SH3RF1: variants seen among roughly 807,000 people sequenced by gnomAD.
SH3RF1 encodes SH3 domain containing ring finger 1, also known as E3 ubiquitin-protein ligase SH3RF1.
Under a neutral mutation model 74.0 loss-of-function variants are expected in SH3RF1, and 32 were observed. The observed-to-expected ratio is 0.43, with a 90% CI of 0.33 to 0.58. SH3RF1 has a LOEUF of 0.58. SH3RF1 is among the 20% of genes least tolerant of loss of function. The pLI is 0.05. For missense variants in SH3RF1, 954 were observed against 1,130.9 expected (o/e 0.84, Z 2.24); for synonymous variants, 396 against 439.6 (o/e 0.90, Z 1.24).
chr4:169,203,713 A>G (rs1734948108), intron 2 of SH3RF1, among the ~76,000 whole-genome samples: 2 of 152,212 alleles, frequency 1.3e-5, no homozygotes, highest in Admixed American at 1.3e-4. Flanking sequence ...CTAGAACAGT[A>G]TCTGGTACAC....
chr4:169,138,740 T>C (rs992493165), intron 4 of SH3RF1, among the ~76,000 whole-genome samples: 3 of 152,180 alleles, frequency 2.0e-5, no homozygotes, highest in African/African-American at 7.2e-5. Flanking sequence ...CTCATCATGA[T>C]CATACCTGGC....
chr4:169,156,346 T>C (rs1234996584), intron 3 of SH3RF1, 58 bp downstream of exon 3: 12 of 1,464,638 alleles, frequency 8.2e-6, no homozygotes, highest in Non-Finnish European at 1.1e-5. Flanking sequence ...TATATTTCTA[T>C]GTATCTGGGT....
intron 2 of SH3RF1, among the ~76,000 whole-genome samples, chr4:169,192,386 T>C (rs1244465884): frequency 6.8e-6 from 1 of 146,920 alleles, no homozygotes; most frequent in Non-Finnish European, 1.5e-5. Flanking sequence ...ATGAAAAAAA[T>C]GCTGAACATC....
At chr4:169,116,655 A>C in intron 9 of SH3RF1, 25 bp from the exon 10 acceptor site, 1 of 1,513,516 alleles carries the variant, frequency 6.6e-7, no homozygotes. Flanking sequence ...GAGGGAACAC[A>C]GCAAAATTCA....
intron 6 of SH3RF1, among the ~76,000 whole-genome samples, chr4:169,126,764 T>C (rs1016065070): frequency 6.6e-6 from 1 of 152,038 alleles, no homozygotes; most frequent in African/African-American, 2.4e-5. Context: ...AAAAAAAATT[T>C]TTTTTTTGTA....
chr4:169,172,790 T>TAGAACAAAGCAAGCGA (rs2126974098), intron 2 of SH3RF1, among the ~76,000 whole-genome samples: 1 of 152,142 alleles, frequency 6.6e-6, no homozygotes, highest in African/African-American at 2.4e-5. Context: ...CCAGCGCGGC[T>TAGAACAAAGCAAGCGA]AGAACAAAGC....
intron 2 of SH3RF1, among the ~76,000 whole-genome samples, chr4:169,252,146 TA>T (rs1352679738): frequency 3.3e-5 from 5 of 152,236 alleles, no homozygotes; most frequent in African/African-American, 1.2e-4. Context: ...TTTCACATTT[TA>T]TAGCATGTTG....
At chr4:169,216,472 T>C (rs970546769) in intron 2 of SH3RF1, among the ~76,000 whole-genome samples, 1 of 152,192 alleles carries the variant, frequency 6.6e-6, no homozygotes. Context: ...TTGCTCCTTT[T>C]ATTGTTGTTG....
chr4:169,218,688 T>C (rs1050505126), intron 2 of SH3RF1, among the ~76,000 whole-genome samples: 1 of 151,564 alleles, frequency 6.6e-6, no homozygotes, highest in African/African-American at 2.4e-5. Context: ...AAAGACTAAT[T>C]TAAGAATTAG....
At chr4:169,227,475 A>G (rs1395319418) in intron 2 of SH3RF1, among the ~76,000 whole-genome samples, 1 of 152,214 alleles carries the variant, frequency 6.6e-6, no homozygotes, top group Non-Finnish European at 1.5e-5. Flanking sequence ...AGTTGTCTTA[A>G]CAGGTATCAG....
intron 2 of SH3RF1, among the ~76,000 whole-genome samples, chr4:169,237,852 G>C (rs1730844457): frequency 6.6e-6 from 1 of 152,098 alleles, no homozygotes; most frequent in East Asian, 1.9e-4. Context: ...CAAGAATCCT[G>C]CTAAATCAAT....
At chr4:169,244,413 A>AT (rs5863989) in intron 2 of SH3RF1, among the ~76,000 whole-genome samples, 141,900 of 150,028 alleles carry the variant, frequency 0.95, 67,364 homozygotes, top group East Asian at 1. Flanking sequence ...TCTTCCCAGT[A>AT]TTTTTTTTTT....
chr4:169,216,550 T>C (rs1730466960), intron 2 of SH3RF1, among the ~76,000 whole-genome samples: 1 of 152,158 alleles, frequency 6.6e-6, no homozygotes. Context: ...AAATAAGAAA[T>C]GCTTTCTCCG....
intron 2 of SH3RF1, among the ~76,000 whole-genome samples, chr4:169,236,142 A>G (rs755280028): frequency 2.2e-4 from 34 of 152,166 alleles, no homozygotes; most frequent in Non-Finnish European, 4.6e-4. Context: ...GCTCTACCAT[A>G]AACATTACGA....
At chr4:169,231,466 T>C (rs1031774237) in intron 2 of SH3RF1, among the ~76,000 whole-genome samples, 1 of 152,122 alleles carries the variant, frequency 6.6e-6, no homozygotes, top group Admixed American at 6.6e-5. Context: ...CTCAGGAGGC[T>C]GAGGCTGGAG....
chr4:169,136,666 C>T (rs1733708572), intron 4 of SH3RF1, 46 bp from the exon 5 acceptor site: 1 of 1,457,432 alleles, frequency 6.9e-7, no homozygotes, highest in Admixed American at 2.6e-5. Context: ...TAAACAATTC[C>T]TAAGAATTCC....
intron 2 of SH3RF1, among the ~76,000 whole-genome samples, chr4:169,256,163 G>A (rs1435001927): frequency 1.3e-5 from 2 of 152,064 alleles, no homozygotes; most frequent in Admixed American, 6.6e-5. Flanking sequence ...ATATGCTAAA[G>A]AAATAACTAA....
intron 11 of SH3RF1, among the ~76,000 whole-genome samples, chr4:169,104,572 T>G (rs913724351): frequency 7.2e-5 from 11 of 152,158 alleles, no homozygotes; most frequent in African/African-American, 2.7e-4. Flanking sequence ...GGGTTAGAAC[T>G]ATAGAAAATT....
chr4:169,203,605 C>A (rs1393994993), intron 2 of SH3RF1, among the ~76,000 whole-genome samples: 1 of 151,740 alleles, frequency 6.6e-6, no homozygotes, highest in African/African-American at 2.4e-5. Context: ...GCAATCCCTA[C>A]CAGAAACAAG....
Sources: gnomAD v4.1 joint callset for allele counts (sites outside exome capture counted in the v4.1 genomes callset) on GRCh38, gnomAD v4.1.1 for gene constraint, MANE v1.5 for transcripts, NCBI Gene and HGNC (gene_info 2026-07-23, HGNC 2026-07-21) for gene names.